RALGAPA2: variants seen among roughly 807,000 people sequenced by gnomAD.
RALGAPA2 encodes Ral GTPase activating protein catalytic subunit alpha 2.
In RALGAPA2, 139 loss-of-function variants were observed where a neutral mutation model predicts 230.4. The observed-to-expected ratio is 0.60, with a 90% CI of 0.53 to 0.69. The LOEUF (loss-of-function observed/expected upper bound fraction) is 0.69, where lower values mean the gene tolerates loss of function less well. RALGAPA2 is among the 30% of genes least tolerant of loss of function. RALGAPA2 has a pLI of 0.00. For synonymous variants in RALGAPA2, 847 were observed against 837.8 expected (o/e 1.01, Z -0.19); for missense variants, 2,163 against 2,276.0 (o/e 0.95, Z 1.01).
intron 3 of RALGAPA2, chr20:20,659,923 A>G: frequency 2.6e-6 from 1 of 381,246 alleles, no homozygotes; most frequent in Non-Finnish European, 5.1e-6. Context: ...TAGCCATCTC[A>G]CCAGCTTACA....
chr20:20,496,921 G>A (rs1000226107), intron 35 of RALGAPA2, among the ~76,000 whole-genome samples: 1 of 152,168 alleles, frequency 6.6e-6, no homozygotes, highest in Non-Finnish European at 1.5e-5. Context: ...ATACTGAAGG[G>A]TGCACGATTC....
intron 17 of RALGAPA2, 68 bp from the exon 18 acceptor site, chr20:20,589,433 G>A: frequency 7.0e-7 from 1 of 1,425,860 alleles, no homozygotes. Context: ...ACCGGAAAAT[G>A]ATTTTATATA....
chr20:20,684,931 T>C (rs996192709), intron 1 of RALGAPA2, among the ~76,000 whole-genome samples: 1 of 152,230 alleles, frequency 6.6e-6, no homozygotes, highest in Non-Finnish European at 1.5e-5. Flanking sequence ...TCTAGAATCA[T>C]TTCTTGATTT....
At chr20:20,651,909 T>C (rs1364650714) in intron 4 of RALGAPA2, among the ~76,000 whole-genome samples, 1 of 152,216 alleles carries the variant, frequency 6.6e-6, no homozygotes, top group Non-Finnish European at 1.5e-5. Context: ...ATGATGTCTC[T>C]TTGGATTATA....
intron 27 of RALGAPA2, among the ~76,000 whole-genome samples, chr20:20,527,573 C>T (rs930639168): frequency 1.3e-5 from 2 of 152,156 alleles, no homozygotes; most frequent in Non-Finnish European, 2.9e-5. Context: ...ATGTCATCTC[C>T]TCCCTGAGGC....
At chr20:20,642,609 T>C (rs1166566636) in intron 5 of RALGAPA2, among the ~76,000 whole-genome samples, 1 of 152,208 alleles carries the variant, frequency 6.6e-6, no homozygotes. Context: ...GTTAACTGTA[T>C]TTAAGAGAAC....
intron 36 of RALGAPA2, among the ~76,000 whole-genome samples, chr20:20,474,399 C>T (rs575334273): frequency 6.6e-6 from 1 of 152,300 alleles, no homozygotes; most frequent in African/African-American, 2.4e-5. Context: ...AAGATCAAAT[C>T]CTCCTGAGGA....
intron 23 of RALGAPA2, among the ~76,000 whole-genome samples, chr20:20,567,656 C>A (rs2064476554): frequency 6.6e-6 from 1 of 151,924 alleles, no homozygotes; most frequent in Non-Finnish European, 1.5e-5. Flanking sequence ...TGGCACTGGG[C>A]AAAAGTTTTA....
At chr20:20,703,555 T>C (rs891275193) in intron 1 of RALGAPA2, among the ~76,000 whole-genome samples, 1 of 152,214 alleles carries the variant, frequency 6.6e-6, no homozygotes, top group African/African-American at 2.4e-5. Flanking sequence ...TAAATTTCTT[T>C]TATAATTAAT....
Position 20,591,166 on chromosome 20 carries a change from ACAT to A in RALGAPA2, c.2341+8_2341+10del, listed in dbSNP as rs144678172. The A allele has an allele frequency of 0.036, 58,078 of 1,613,234 alleles. 1,341 individuals are homozygous for A. Among genetic ancestry groups the A allele is most frequent in the African/African-American group, 0.094 (7,071 of 74,992 alleles). ...TATAGTTCTGTATTAAACACTGAAG[ACAT>A]CATGTACCCTGAGAAGAATCTGAGC... On this transcript the variant is annotated splice_region_variant and intron_variant, in intron 17 of 39. Coordinates refer to ENST00000202677, the MANE Select transcript of RALGAPA2 (RefSeq NM_020343.4).
chr20:20,467,106 C>T (rs947066856), intron 37 of RALGAPA2, among the ~76,000 whole-genome samples: 7 of 152,196 alleles, frequency 4.6e-5, no homozygotes, highest in Non-Finnish European at 8.8e-5. Context: ...AAGCTTCTTG[C>T]TGACTGGTGC....
chr20:20,639,661 C>T (rs2066966625), intron 7 of RALGAPA2, 124 bp downstream of exon 7: 2 of 698,912 alleles, frequency 2.9e-6, no homozygotes, highest in African/African-American at 3.6e-5. Context: ...TGAAATATCA[C>T]ATAAAATCAC....
At chr20:20,616,310 G>T in intron 12 of RALGAPA2, 119 bp from the exon 13 acceptor site, 1 of 929,918 alleles carries the variant, frequency 1.1e-6, no homozygotes, top group Non-Finnish European at 1.5e-6. Flanking sequence ...ATTTCCAAAA[G>T]ATTCTATTTC....
intron 36 of RALGAPA2, among the ~76,000 whole-genome samples, chr20:20,485,725 C>A (rs564455530): frequency 4.6e-4 from 70 of 152,338 alleles, no homozygotes; most frequent in Non-Finnish European, 8.7e-4. Flanking sequence ...AGAGTATTCC[C>A]AATTCCTCCC....
Position 20,504,529 on chromosome 20 carries a change from G to A in RALGAPA2, c.5052+882C>T, listed in dbSNP as rs997848667. On this transcript the variant is annotated intron_variant, in intron 34 of 39. Transcript: ENST00000202677. The stretch of plus-strand genomic sequence containing the variant: ...ACGAGGTTAAGAGATCAAGACCATC[G>A]TGGCCAACATGGTGAAACACCATCT... 3.3e-5 allele frequency among the ~76,000 whole-genome samples: 5 copies of A among 152,016 alleles called. No individual in the cohort carries two copies. The East Asian group carries it at 5.8e-4, about 18-fold the overall frequency.
At chr20:20,706,823 A>T (rs1380145564) in intron 1 of RALGAPA2, among the ~76,000 whole-genome samples, 1 of 152,208 alleles carries the variant, frequency 6.6e-6, no homozygotes, top group Non-Finnish European at 1.5e-5. Flanking sequence ...GATAAGTCTC[A>T]GCTTTCCCAC....
At chr20:20,703,853 T>C (rs1042910930) in intron 1 of RALGAPA2, among the ~76,000 whole-genome samples, 4 of 152,290 alleles carry the variant, frequency 2.6e-5, no homozygotes, top group African/African-American at 7.2e-5. Context: ...CACATGTTCA[T>C]TGAGTGGAAG....
rs2060017959 is a variant in RALGAPA2 at position 20,409,555 on chromosome 20, C to T, written c.5617+2472G>A. On this transcript the variant is annotated intron_variant, in intron 38 of 39. Transcript: ENST00000202677. ...GCTCAGGGTCAATTTTTCCAGTTGGCTTGTTGCTTGGAAGAACAGACTTCA... is the reference window on the plus strand; with the variant it reads ...GCTCAGGGTCAATTTTTCCAGTTGGTTTGTTGCTTGGAAGAACAGACTTCA... 3.3e-5 allele frequency among the ~76,000 whole-genome samples: 5 copies of T among 152,180 alleles called. No homozygotes were observed. The South Asian group carries it at 1.0e-3, about 32-fold the overall frequency.
At chr20:20,505,001 T>A in intron 34 of RALGAPA2, 9 of 984,806 alleles carry the variant, frequency 9.1e-6, no homozygotes, top group Non-Finnish European at 1.1e-5. Context: ...ATATTATATT[T>A]TCATTGCAAC....
Sources: gnomAD v4.1 joint callset for allele counts (sites outside exome capture counted in the v4.1 genomes callset) on GRCh38, gnomAD v4.1.1 for gene constraint, MANE v1.5 for transcripts, NCBI Gene and HGNC (gene_info 2026-07-23, HGNC 2026-07-21) for gene names.